The following FAT1 variants were observed in gnomAD, a reference collection of about 807,000 sequenced individuals.
FAT1 encodes FAT atypical cadherin 1.
FAT1 carries 171 observed loss-of-function variants against 329.8 expected under a neutral mutation model. That is an observed-to-expected ratio of 0.52 (90% CI 0.46 to 0.59). The LOEUF (loss-of-function observed/expected upper bound fraction) is 0.59. Among genes scored for constraint, FAT1 ranks in the 20% least tolerant of loss-of-function variants. The pLI, the probability that FAT1 is intolerant of heterozygous loss-of-function variation, is 0.00. For missense variants in FAT1, 5,672 were observed against 5,774.4 expected (o/e 0.98, Z 0.57); for synonymous variants, 2,233 against 2,228.6 (o/e 1.00, Z -0.06).
intron 2 of FAT1, among the ~76,000 whole-genome samples, chr4:186,682,496 C>T (rs2126646756): frequency 7.5e-6 from 1 of 133,608 alleles, no homozygotes; most frequent in Admixed American, 8.3e-5. Flanking sequence ...CACCGCACTC[C>T]AGCCTGAGTG....
At chr4:186,677,345 G>A (rs1204871015) in intron 2 of FAT1, among the ~76,000 whole-genome samples, 1 of 152,064 alleles carries the variant, frequency 6.6e-6, no homozygotes, top group Non-Finnish European at 1.5e-5. Flanking sequence ...TTATGCTAAC[G>A]CTTCATATTA....
chr4:186,630,108 T>C (rs1740518125), intron 7 of FAT1, among the ~76,000 whole-genome samples: 1 of 152,120 alleles, frequency 6.6e-6, no homozygotes, highest in Non-Finnish European at 1.5e-5. Flanking sequence ...CTTGCCTGGG[T>C]GTGAAATCAG....
chr4:186,590,615 GTGAC>G (rs1467136357), intron 26 of FAT1: 2 of 457,268 alleles, frequency 4.4e-6, no homozygotes, highest in Non-Finnish European at 8.8e-6. Context: ...GTGGAGGAAA[GTGAC>G]TGCGGAATGA....
chr4:186,621,988 T>C (rs1018157201), intron 9 of FAT1, among the ~76,000 whole-genome samples: 5 of 152,134 alleles, frequency 3.3e-5, no homozygotes, highest in African/African-American at 9.7e-5. Context: ...CCATAAATGA[T>C]GAAAAACAAA....
In FAT1 at chr4:186,636,707, T is replaced by C; in HGVS notation, c.3850A>G (p.Asn1284Asp). 1 of 1,613,908 alleles carries C rather than the reference T, an allele frequency of 6.2e-7. No individual in the cohort carries two copies. The highest frequency in any genetic ancestry group is 8.5e-7 in the Non-Finnish European group (1 of 1,179,858). ...VIATDKDEGP[N>D]AEISYSIEDG... ...TCGATGCTGTAGGAGATTTCTGCATTGGGGCCCTCATCCTTGTCGGTGGCT... is the reference window on the plus strand; with the variant it reads ...TCGATGCTGTAGGAGATTTCTGCATCGGGGCCCTCATCCTTGTCGGTGGCT... The change falls in exon 5 of 27, where the codon AAT (asparagine) becomes GAT (aspartate). Residue 1284 changes from asparagine (N) to aspartate (D), a missense_variant. Physicochemically the swap from Asn to Asp is conservative, Grantham distance 23. Coordinates refer to ENST00000441802, the MANE Select transcript of FAT1 (RefSeq NM_005245.4).
intron 2 of FAT1, among the ~76,000 whole-genome samples, chr4:186,700,811 AG>A (rs749146329): frequency 2.0e-5 from 3 of 152,208 alleles, no homozygotes; most frequent in African/African-American, 4.8e-5. Flanking sequence ...TGGCACACAC[AG>A]AATGCCGGGC....
chr4:186,631,667 C>T (rs1351823066), intron 7 of FAT1, among the ~76,000 whole-genome samples: 2 of 136,996 alleles, frequency 1.5e-5, no homozygotes, highest in African/African-American at 2.8e-5. Context: ...AGTCTCTCGC[C>T]GCCCAGCTGA....
In FAT1 at chr4:186,706,687, T is replaced by C. The variant is rs2126682555; in HGVS notation, c.3141A>G (p.Ala1047=). 1 of 1,613,914 alleles carries C rather than the reference T, an allele frequency of 6.2e-7. No homozygotes were observed. Among genetic ancestry groups the C allele is most frequent in the Non-Finnish European group, 8.5e-7 (1 of 1,179,872 alleles). ...CCGTCATTACCAATGAACCAACAGG[T>C]GCATCTTCTTTCACTGTCCCCTTTT... ...FVEKGTVKED[A]PVGSLVMTVS... is the part of the protein sequence containing the mutation. Residue 1047 remains alanine, a synonymous_variant, in exon 2 of 27, where the codon GCA becomes GCG. Coordinates refer to ENST00000441802, the MANE Select transcript of FAT1 (RefSeq NM_005245.4).
rs1261002312 is a variant in FAT1 at position 186,598,084 on chromosome 4, A to T, written c.12145T>A (p.Cys4049Ser). The change falls in exon 23 of 27, where the codon TGT (cysteine) becomes AGT (serine). Residue 4049 changes from cysteine to serine, a missense_variant. Cys to Ser is a moderately radical substitution (Grantham distance 112). Around this residue, in one of 2 missense-constraint regions of FAT1, gnomAD observed 1,706 missense variants for 1,859.1 expected, o/e 0.92. Transcript: ENST00000441802. The stretch of plus-strand genomic sequence containing the variant: ...GAACACGGATTGACGCTTATCTCAC[A>T]GTGGGTCCCTATGTACAAGGCACTG... ...KCSALYIGTH[C>S]EISVNPCSSK... is the part of the protein sequence containing the mutation. 1 of 1,613,850 alleles carries T rather than the reference A, an allele frequency of 6.2e-7. No individual in the cohort carries two copies. Among genetic ancestry groups the T allele is most frequent in the Non-Finnish European group, 8.5e-7 (1 of 1,179,848 alleles).
Position 186,589,017 on chromosome 4 carries a change from G to A in FAT1, c.13342C>T (p.Leu4448=), listed in dbSNP as rs2126354399. The A allele has an allele frequency of 1.2e-6, 2 of 1,614,006 alleles. No individual in the cohort carries two copies. The highest frequency in any genetic ancestry group is 1.7e-6 in the Non-Finnish European group (2 of 1,179,890). ...PPEDFPAADE[L]PPLPPEFSNQ... is the part of the protein sequence containing the mutation. ...CTGAATTCGGGCGGTAACGGTGGTA[G>A]CTCATCAGCTGCGGGGAAGTCTTCT... Residue 4448 remains leucine, a synonymous_variant, in exon 27 of 27, where the codon CTA becomes TTA. Coordinates refer to ENST00000441802, the MANE Select transcript of FAT1 (RefSeq NM_005245.4).
chr4:186,648,164 G>C (rs1231555800), intron 3 of FAT1, among the ~76,000 whole-genome samples: 1 of 152,168 alleles, frequency 6.6e-6, no homozygotes, highest in Non-Finnish European at 1.5e-5. Flanking sequence ...AAATGGAACA[G>C]GTAGCTGGAG....
intron 2 of FAT1, among the ~76,000 whole-genome samples, chr4:186,699,598 T>C (rs1023644934): frequency 1.4e-4 from 22 of 152,140 alleles, no homozygotes; most frequent in African/African-American, 5.1e-4. Context: ...TCCAAGTCCA[T>C]TTATTCCTAG....
chr4:186,588,342 T>A lies in FAT1; in HGVS notation c.*250A>T, dbSNP rs1467980959. 8 of 468,486 alleles carry A rather than the reference T, an allele frequency of 1.7e-5. No individual in the cohort carries two copies. Among genetic ancestry groups the A allele is most frequent in the East Asian group, 9.7e-5 (3 of 31,088 alleles). The allele number at this position is 468,486 out of a possible 1,614,324, so 29.0% of individuals were successfully genotyped here. On this transcript the variant is annotated 3_prime_UTR_variant, in exon 27 of 27. Coordinates refer to ENST00000441802, the MANE Select transcript of FAT1 (RefSeq NM_005245.4). ...GACAACACAGGACTGATTTTTCGTTTGATTATTTTAACACAGACAGATGTA... is the reference window on the plus strand; with the variant it reads ...GACAACACAGGACTGATTTTTCGTTAGATTATTTTAACACAGACAGATGTA...
chr4:186,707,300 T>G lies in FAT1; in HGVS notation c.2528A>C (p.Gln843Pro). Residue 843 changes from glutamine (Q) to proline (P), a missense_variant, in exon 2 of 27, where the codon CAG becomes CCG. Transcript: ENST00000441802. ...CAGGTCTTTATCTGTGGCTTCAACC[T>G]GGATGATTTCACTATGTACCTCCTT... ...EDKEVHSEII[Q>P]VEATDKDLGP... The G allele has an allele frequency of 6.2e-7, 1 of 1,614,012 alleles. No homozygotes were observed. Among genetic ancestry groups the G allele is most frequent in the Non-Finnish European group, 8.5e-7 (1 of 1,179,906 alleles).
At chr4:186,703,232 A>ACC (rs1744410549) in intron 2 of FAT1, among the ~76,000 whole-genome samples, 1 of 152,214 alleles carries the variant, frequency 6.6e-6, no homozygotes, top group African/African-American at 2.4e-5. Context: ...CATTTGCAGA[A>ACC]CATGTACAAA....
At position 186,596,546 on chromosome 4, in the gene FAT1, A is replaced by G. The variant is rs1356540264; in HGVS notation, c.12994T>C (p.Tyr4332His). The G allele has an allele frequency of 6.2e-7, 1 of 1,611,908 alleles. No homozygotes were observed. The highest frequency in any genetic ancestry group is 1.7e-5 in the Admixed American group (1 of 59,540). The change falls in exon 25 of 27, where the codon TAT becomes CAT. Residue 4332 changes from tyrosine to histidine, a missense_variant. Physicochemically the swap from Tyr to His is moderately conservative, Grantham distance 83. This residue lies in a region of FAT1 where 1,706 missense variants were observed against 1,859.1 expected (regional missense o/e 0.92). Transcript: ENST00000441802. This position sits in a 1 kb window ranked among gnomAD's most constrained non-coding sequence, Gnocchi z 4.7. The part of the protein sequence containing the change: ...SIQKPSWDFD[Y>H]DTKVVDLDPC... The stretch of plus-strand genomic sequence containing the variant: ...ATGAAAAAGTGGCTCTTACTGTCAT[A>G]GTCAAAGTCCCAGCTAGGCTTCTGG...
intron 26 of FAT1, among the ~76,000 whole-genome samples, chr4:186,592,308 T>C (rs1738274121): frequency 6.6e-6 from 1 of 152,178 alleles, no homozygotes; most frequent in South Asian, 2.1e-4. Flanking sequence ...AAACCAAAAG[T>C]GAAGAGTCAG....
At position 186,603,740 on chromosome 4, in the gene FAT1, C is replaced by T. The variant is rs932096981; in HGVS notation, c.10786G>A (p.Gly3596Arg). The stretch of plus-strand genomic sequence containing the variant: ...TTTTTGTGTGCTATCAGCTTGCCCC[C>T]TGTGCTGGAAACAGAGAACAGGTTG... ...MDNLFSVSSTGGKLIAHKKLD... is the reference protein window; with the variant it reads ...MDNLFSVSSTRGKLIAHKKLD... Residue 3596 changes from glycine (G) to arginine (R), a missense_variant, in exon 19 of 27, where the codon GGG becomes AGG. Around this residue, in one of 2 missense-constraint regions of FAT1, gnomAD observed 1,706 missense variants for 1,859.1 expected, o/e 0.92. Transcript: ENST00000441802. 1 of 1,613,846 alleles carries T rather than the reference C, an allele frequency of 6.2e-7. No homozygotes were observed. Among genetic ancestry groups the T allele is most frequent in the Non-Finnish European group, 8.5e-7 (1 of 1,179,902 alleles).
At position 186,613,254 on chromosome 4, in the gene FAT1, G is replaced by A. The variant is rs768289698; in HGVS notation, c.9318C>T (p.Phe3106=). Residue 3106 remains phenylalanine, a synonymous_variant, in exon 13 of 27, where the codon TTC becomes TTT. Coordinates refer to ENST00000441802, the MANE Select transcript of FAT1 (RefSeq NM_005245.4). ...GCGTGAGCACAATACTGGCTTGGCA[G>A]AATCTTCCTCCTCCATCTGTGGCCC... The part of the protein sequence containing the change: ...LVRATDGGGR[F]CQASIVLTLE... 6 of 1,613,994 alleles carry A rather than the reference G, an allele frequency of 3.7e-6. No homozygotes were observed. Among genetic ancestry groups the A allele is most frequent in the Non-Finnish European group, 5.1e-6 (6 of 1,179,858 alleles).
Sources: allele counts gnomAD v4.1 joint callset (sites outside exome capture counted in the v4.1 genomes callset), GRCh38; gene constraint gnomAD v4.1.1; regional missense constraint gnomAD v4.1.1; non-coding constraint Gnocchi (gnomAD v3.1); transcripts MANE v1.5; gene names NCBI Gene and HGNC (gene_info 2026-07-23, HGNC 2026-07-21).